The following ARHGAP35 variants were observed in gnomAD, a reference collection of about 807,000 sequenced individuals.
ARHGAP35 encodes the protein Rho GTPase activating protein 35, also known as rho GTPase-activating protein 35.
ARHGAP35 carries 15 observed loss-of-function variants against 111.1 expected under a neutral mutation model. The ratio of observed to expected loss-of-function variants is 0.13; its 90% CI spans 0.09 to 0.21. The LOEUF (loss-of-function observed/expected upper bound fraction) is 0.21. Among genes scored for constraint, ARHGAP35 ranks in the 10% least tolerant of loss-of-function variants. ARHGAP35 has a pLI of 1.00. For synonymous variants in ARHGAP35, 643 were observed against 710.3 expected (o/e 0.91, Z 1.51); for missense variants, 1,262 against 1,873.0 (o/e 0.67, Z 6.02).
intron 3 of ARHGAP35, among the ~76,000 whole-genome samples, chr19:46,940,179 G>T (rs1326765537): frequency 6.6e-6 from 1 of 151,980 alleles, no homozygotes; most frequent in East Asian, 1.9e-4. Context: ...GACCAACATG[G>T]AGAAACCCAG....
chr19:46,875,324 T>C (rs893957563), intron 1 of ARHGAP35, among the ~76,000 whole-genome samples: 2 of 152,190 alleles, frequency 1.3e-5, no homozygotes, highest in African/African-American at 4.8e-5. Flanking sequence ...TTGGATCCTC[T>C]GTGAGATTTT....
At chr19:46,948,834 T>C (rs758246830) in intron 3 of ARHGAP35, 1 of 152,230 alleles carries the variant, frequency 6.6e-6, no homozygotes, top group Non-Finnish European at 1.5e-5. Context: ...ATATTTTAAT[T>C]GTGATCATTT....
chr19:46,933,225 C>G (rs1459504346), intron 2 of ARHGAP35, among the ~76,000 whole-genome samples: 3 of 149,408 alleles, frequency 2.0e-5, no homozygotes. Context: ...CTCACTGCAG[C>G]CTTCACCTCC....
intron 3 of ARHGAP35, among the ~76,000 whole-genome samples, chr19:46,977,793 C>T (rs1333118858): frequency 1.3e-5 from 2 of 152,214 alleles, no homozygotes; most frequent in South Asian, 2.1e-4. Context: ...CTGTTTGCCA[C>T]GTGGCTCAGT....
chr19:46,895,054 A>AG (rs2056046218), intron 1 of ARHGAP35, among the ~76,000 whole-genome samples: 2 of 151,992 alleles, frequency 1.3e-5, no homozygotes, highest in African/African-American at 4.8e-5. Flanking sequence ...CAGAATAGTG[A>AG]GCTTCATATT....
rs779780208 is a variant in ARHGAP35, at chr19:46,918,434, T to A, written c.-188-54T>A. Among the ~76,000 whole-genome samples, 1 of 152,182 alleles carries A rather than the reference T, an allele frequency of 6.6e-6. No homozygotes were observed. Among genetic ancestry groups the A allele is most frequent in the Non-Finnish European group, 1.5e-5 (1 of 68,034 alleles). ...TTTTACTGTAGTTAATTGATTAAAATTTGGTTCTAAAATTATGATGCTGAT... is the reference window on the plus strand; with the variant it reads ...TTTTACTGTAGTTAATTGATTAAAAATTGGTTCTAAAATTATGATGCTGAT... On this transcript the variant is annotated intron_variant, in intron 1 of 6. Transcript: ENST00000672722. The surrounding 1 kb of genome is among the most constrained non-coding windows in gnomAD (Gnocchi z 5.4).
intron 1 of ARHGAP35, among the ~76,000 whole-genome samples, chr19:46,862,759 G>A (rs1382699360): frequency 6.6e-6 from 1 of 151,910 alleles, no homozygotes; most frequent in African/African-American, 2.4e-5. Context: ...TCCCCTCTCT[G>A]TTCCCTCCCG....
rs895780553 is a variant in ARHGAP35, at chr19:46,937,499, T to G, written c.3826+91T>G. 3 of 1,399,194 alleles carry G rather than the reference T, an allele frequency of 2.1e-6. No homozygotes were observed. In the Admixed American group the frequency reaches 5.4e-5, roughly 25 times the overall value. 86.7% of individuals were successfully genotyped at this position (1,399,194 alleles called of 1,614,324 possible). On this transcript the variant is annotated intron_variant, in intron 3 of 6. Transcript: ENST00000672722. ...AGCCATCTGGAGATTCTGGAATCAG[T>G]TGTTGTTGATTGTGAGATGCTCTTG... is the stretch of plus-strand genomic sequence containing the variant.
intron 1 of ARHGAP35, among the ~76,000 whole-genome samples, chr19:46,881,747 G>T (rs1225686090): frequency 6.6e-6 from 1 of 152,200 alleles, no homozygotes; most frequent in Non-Finnish European, 1.5e-5. Context: ...ACAAGGGTCA[G>T]CCTGTCCTGT....
At chr19:46,987,468 G>A (rs1299851077) in intron 3 of ARHGAP35, among the ~76,000 whole-genome samples, 3 of 149,940 alleles carry the variant, frequency 2.0e-5, no homozygotes, top group African/African-American at 7.4e-5. Flanking sequence ...TCCTGCCTCA[G>A]CCTTCCAAAG....
At chr19:46,995,661 G>A (rs932612567) in intron 5 of ARHGAP35, among the ~76,000 whole-genome samples, 2 of 152,206 alleles carry the variant, frequency 1.3e-5, no homozygotes, top group Non-Finnish European at 2.9e-5. Context: ...CCTTCCACTC[G>A]GGTCTGCGGT....
chr19:46,960,405 G>C (rs1208352801), intron 3 of ARHGAP35, among the ~76,000 whole-genome samples: 1 of 152,200 alleles, frequency 6.6e-6, no homozygotes, highest in African/African-American at 2.4e-5. Flanking sequence ...TGAGACGGTA[G>C]GTGATAGACC....
At chr19:46,976,683 T>C (rs2056581731) in intron 3 of ARHGAP35, among the ~76,000 whole-genome samples, 1 of 152,212 alleles carries the variant, frequency 6.6e-6, no homozygotes, top group Non-Finnish European at 1.5e-5. Flanking sequence ...TGTCCTGCCA[T>C]ATTTGCCAAG....
At chr19:46,936,598 T>A (rs1439055301) in intron 2 of ARHGAP35, among the ~76,000 whole-genome samples, 2 of 152,206 alleles carry the variant, frequency 1.3e-5, no homozygotes, top group African/African-American at 4.8e-5. Flanking sequence ...TCTATTATCC[T>A]TGTAGGGTGT....
rs775573628 is a variant in ARHGAP35 at position 46,993,371 on chromosome 19, C to G, written c.4036+3696C>G. 4.8e-4 allele frequency among the ~76,000 whole-genome samples: 73 copies of G among 152,250 alleles called. No homozygotes were observed. The highest frequency in any genetic ancestry group is 8.8e-4 in the Non-Finnish European group (60 of 68,040). ...TTTCCTCCAGGCACCGAGCTGGCAG[C>G]AGCAGACCCAGGCCTAGAGCTTGGT... On this transcript the variant is annotated intron_variant, in intron 5 of 6. Transcript: ENST00000672722. This position sits in a 1 kb window ranked among gnomAD's most constrained non-coding sequence, Gnocchi z 4.6.
chr19:46,904,314 G>A (rs1334727915), intron 1 of ARHGAP35, among the ~76,000 whole-genome samples: 1 of 152,188 alleles, frequency 6.6e-6, no homozygotes, highest in Non-Finnish European at 1.5e-5. Flanking sequence ...AGCAGATCAT[G>A]TTCATCTGGA....
chr19:46,978,675 TTGTG>T (rs1158538561), intron 3 of ARHGAP35, among the ~76,000 whole-genome samples: 2 of 23,770 alleles, frequency 8.4e-5, no homozygotes, highest in African/African-American at 2.2e-4. Context: ...GTGGTGGGGT[TTGTG>T]TGGTGGGATG....
chr19:46,910,744 C>A (rs1042558059), intron 1 of ARHGAP35, among the ~76,000 whole-genome samples: 14 of 152,032 alleles, frequency 9.2e-5, no homozygotes, highest in African/African-American at 3.4e-4. Context: ...TATGCATCAC[C>A]ACAGCCAGCT....
rs1413686899 is a variant in ARHGAP35, at chr19:46,918,454, G to A, written c.-188-34G>A. Among the ~76,000 whole-genome samples the A allele has an allele frequency of 6.6e-6, 1 of 152,258 alleles. No individual in the cohort carries two copies. The highest frequency in any genetic ancestry group is 2.1e-4 in the South Asian group (1 of 4,822). ...TAAAATTTGGTTCTAAAATTATGAT[G>A]CTGATGGGTTTTCTTTTTTTTTCCC... On this transcript the variant is annotated intron_variant, in intron 1 of 6. Transcript: ENST00000672722. The surrounding 1 kb of genome is among the most constrained non-coding windows in gnomAD (Gnocchi z 5.4).
Sources: allele counts gnomAD v4.1 joint callset (sites outside exome capture counted in the v4.1 genomes callset), GRCh38; gene constraint gnomAD v4.1.1; non-coding constraint Gnocchi (gnomAD v3.1); transcripts MANE v1.5; gene names NCBI Gene and HGNC (gene_info 2026-07-23, HGNC 2026-07-21).